HYOU1: variants seen among roughly 807,000 people sequenced by gnomAD.
The protein encoded by HYOU1 is hypoxia up-regulated protein 1.
Under a neutral mutation model 120.5 loss-of-function variants are expected in HYOU1, and 40 were observed. The ratio of observed to expected loss-of-function variants is 0.33; its 90% confidence interval spans 0.26 to 0.43. The LOEUF (loss-of-function observed/expected upper bound fraction) is 0.43. HYOU1 is among the 20% of genes least tolerant of loss of function. The pLI, the probability that HYOU1 is intolerant of heterozygous loss-of-function variation, is 1.00. For synonymous variants in HYOU1, 501 were observed against 479.4 expected, an observed-to-expected ratio of 1.05 and a Z score of -0.59; for missense variants, 1,085 against 1,278.3, an observed-to-expected ratio of 0.85 and a Z score of 2.31.
intron 6 of HYOU1, 23 bp from the exon 7 acceptor site, chr11:119,054,698 GTCCCGCCGGC>G: frequency 6.2e-7 from 1 of 1,603,200 alleles, no homozygotes; most frequent in Non-Finnish European, 8.5e-7. Flanking sequence ...ACAGAAAAGG[GTCCCGCCGGC>G]TCCATACCTT....
At chr11:119,046,370 G>A in intron 24 of HYOU1, 47 bp downstream of exon 24, 1 of 1,593,338 alleles carries the variant, frequency 6.3e-7, no homozygotes, top group Non-Finnish European at 8.6e-7. Context: ...GCCTACCCCT[G>A]GGCTAATGCA....
In HYOU1 at chr11:119,052,551, C is replaced by T. The variant is rs1944505339; in HGVS notation, c.987+86G>A. 1 of 1,570,238 alleles carries T rather than the reference C, an allele frequency of 6.4e-7. No individual in the cohort carries two copies. Among genetic ancestry groups the T allele is most frequent in the Admixed American group, 1.7e-5 (1 of 57,718 alleles). On this transcript the variant is annotated intron_variant, in intron 9 of 25. Coordinates refer to ENST00000617285, the MANE Select transcript of HYOU1 (RefSeq NM_006389.5). This position sits in a 1 kb window ranked among gnomAD's most constrained non-coding sequence, Gnocchi z 5.0. ...GTAGCGGGAGGAGCATGGGCCATGC[C>T]AGGCACGAGCAGCCCAGTTCAGTGG...
Position 119,046,430 on chromosome 11 carries a change from C to T in HYOU1, c.2874G>A (p.Glu958=). The T allele has an allele frequency of 6.2e-7, 1 of 1,614,196 alleles. No homozygotes were observed. Among genetic ancestry groups the T allele is most frequent in the South Asian group, 1.1e-5 (1 of 91,078 alleles). ...TEDAEPISEP[E]KVETGSEPGD... ...GCTCCAACTCACCAGTCTCTACTTT[C>T]TCAGGTTCTGAAATGGGCTCTGCAT... The change falls in exon 24 of 26, where the codon GAG becomes GAA. Residue 958 remains glutamate, a synonymous_variant. Coordinates refer to ENST00000617285, the MANE Select transcript of HYOU1 (RefSeq NM_006389.5).
In HYOU1 at chr11:119,052,807, G is replaced by A. The variant is rs2133595929; in HGVS notation, c.817C>T (p.Leu273=). 1 of 1,613,978 alleles carries A rather than the reference G, an allele frequency of 6.2e-7. No homozygotes were observed. Residue 273 remains leucine, a synonymous_variant, in exon 9 of 26, where the codon CTG becomes TTG. Coordinates refer to ENST00000617285, the MANE Select transcript of HYOU1 (RefSeq NM_006389.5). This position sits in a 1 kb window ranked among gnomAD's most constrained non-coding sequence, Gnocchi z 5.0. ...TCTCGAAGCCGGAGCTCCATCTCCA[G>A]GCCCCCCAGGGTACGGTCAAATCTG... ...GVGFDRTLGG[L]EMELRLRERL... is the part of the protein sequence containing the mutation.
At position 119,046,727 on chromosome 11, in the gene HYOU1, T is replaced by C. The variant is rs782418499; in HGVS notation, c.2671A>G (p.Ile891Val). The C allele has an allele frequency of 6.2e-7, 1 of 1,610,610 alleles. No homozygotes were observed. Among genetic ancestry groups the C allele is most frequent in the African/African-American group, 1.3e-5 (1 of 74,942 alleles). ...TEKPVLLSKD[I>V]EAKMMALDRE... is the part of the protein sequence containing the mutation. ...TCCAGGGCCATCATCTTAGCTTCAA[T>C]GTCTTTTGAGAGCAACACAGGCTTC... The change falls in exon 23 of 26, where the codon ATT (isoleucine) becomes GTT (valine). Residue 891 changes from isoleucine (I) to valine (V), a missense_variant. Transcript: ENST00000617285.
rs1219410226 is a variant in HYOU1, at chr11:119,050,719, CCAAAAAAAAAAAAAAAAA to C, written c.1665+298_1665+315del. Among the ~76,000 whole-genome samples, 9 of 52,872 alleles carry C rather than the reference CCAAAAAAAAAAAAAAAAA, an allele frequency of 1.7e-4. 1 individual carries two copies. Among genetic ancestry groups the C allele is most frequent in the African/African-American group, 2.6e-4 (4 of 15,156 alleles). 34.7% of individuals were successfully genotyped at this position (52,872 alleles called of 152,430 possible). On this transcript the variant is annotated intron_variant, in intron 14 of 25. Transcript: ENST00000617285. The stretch of plus-strand genomic sequence containing the variant: ...TTAAGTAACAGAGCCAAGACCCTCT[CCAAAAAAAAAAAAAAAAA>C]AAAAAAAAAAAAAAAAAAAAGAGTG...
intron 8 of HYOU1, chr11:119,053,097 G>A (rs2133597668): frequency 4.9e-6 from 2 of 405,552 alleles, no homozygotes; most frequent in East Asian, 4.0e-5. Context: ...ATGTGGCGGT[G>A]GGGAGAGAGA....
At position 119,055,851 on chromosome 11, in the gene HYOU1, GAA is replaced by G; in HGVS notation, c.92-10_92-9del. On this transcript the variant is annotated splice_polypyrimidine_tract_variant and intron_variant, in intron 2 of 25. Coordinates refer to ENST00000617285, the MANE Select transcript of HYOU1 (RefSeq NM_006389.5). The surrounding 1 kb of genome is among the most constrained non-coding windows in gnomAD (Gnocchi z 4.0). ...ACATCACTGCCAGTGTATCTGAAGG[GAA>G]AAGAGGTTTGTCAGTTAGCTCTCCC... 1 of 1,612,330 alleles carries G rather than the reference GAA, an allele frequency of 6.2e-7. No homozygotes were observed. Among genetic ancestry groups the G allele is most frequent in the Non-Finnish European group, 8.5e-7 (1 of 1,178,352 alleles).
Position 119,045,532 on chromosome 11 carries a change from T to C in HYOU1, c.*61A>G, listed in dbSNP as rs1330664197. 4.9e-6 allele frequency: 7 copies of C among 1,424,002 alleles called. No homozygotes were observed. In the African/African-American group the frequency reaches 5.6e-5, roughly 11 times the overall value. The allele number at this position is 1,424,002 out of a possible 1,614,324, so 88.2% of individuals were successfully genotyped here. ...CAACCCCTCCCCCAACCCTCGATGT[T>C]AAATAAATAGAAGTGGTGGGGGAAG... On this transcript the variant is annotated 3_prime_UTR_variant, in exon 26 of 26. Transcript: ENST00000617285.
Position 119,052,542 on chromosome 11 carries a change from G to T in HYOU1, c.987+95C>A. 6.4e-7 allele frequency: 1 copy of T among 1,574,182 alleles called. No individual in the cohort carries two copies. The highest frequency in any genetic ancestry group is 8.7e-7 in the Non-Finnish European group (1 of 1,154,582). On this transcript the variant is annotated intron_variant, in intron 9 of 25. Coordinates refer to ENST00000617285, the MANE Select transcript of HYOU1 (RefSeq NM_006389.5). This position sits in a 1 kb window ranked among gnomAD's most constrained non-coding sequence, Gnocchi z 5.0. ...GGGAGGATGGTAGCGGGAGGAGCATGGGCCATGCCAGGCACGAGCAGCCCA... is the reference window on the plus strand; with the variant it reads ...GGGAGGATGGTAGCGGGAGGAGCATTGGCCATGCCAGGCACGAGCAGCCCA...
rs2133603644 is a variant in HYOU1 at position 119,054,248 on chromosome 11, T to C, written c.679-12A>G. On this transcript the variant is annotated splice_polypyrimidine_tract_variant and intron_variant, in intron 7 of 25. Transcript: ENST00000617285. ...TAGAACATGATATTCTGTAGAGATATCAAGGCAACTGTCACAGGAACCTTC... is the reference window on the plus strand; with the variant it reads ...TAGAACATGATATTCTGTAGAGATACCAAGGCAACTGTCACAGGAACCTTC... The C allele has an allele frequency of 5.8e-5, 92 of 1,596,758 alleles. No individual in the cohort carries two copies. The highest frequency in any genetic ancestry group is 7.5e-5 in the Non-Finnish European group (87 of 1,164,938).
At position 119,045,761 on chromosome 11, in the gene HYOU1, A is replaced by G. The variant is rs1944024305; in HGVS notation, c.2938+20T>C. On this transcript the variant is annotated intron_variant, in intron 25 of 25. Coordinates refer to ENST00000617285, the MANE Select transcript of HYOU1 (RefSeq NM_006389.5). ...GAGACCCCACCAGGCTTCCCACCGT[A>G]GCCCCGGCTCCATCCTCACCTGCTC... 6.2e-7 allele frequency: 1 copy of G among 1,613,392 alleles called. No homozygotes were observed. The highest frequency in any genetic ancestry group is 1.7e-5 in the Admixed American group (1 of 59,802).
chr11:119,055,159 AC>A lies in HYOU1; in HGVS notation c.419+25del, dbSNP rs1944676157. On this transcript the variant is annotated intron_variant, in intron 5 of 25. Coordinates refer to ENST00000617285, the MANE Select transcript of HYOU1 (RefSeq NM_006389.5). This position sits in a 1 kb window ranked among gnomAD's most constrained non-coding sequence, Gnocchi z 4.0. ...TGAGGAGCCCAGCAGCGTTGCCGAGACCACCTTCCCCAACAGAGCACTCACG... is the reference window on the plus strand; with the variant it reads ...TGAGGAGCCCAGCAGCGTTGCCGAGACACCTTCCCCAACAGAGCACTCACG... 11 of 1,611,560 alleles carry A rather than the reference AC, an allele frequency of 6.8e-6. No individual in the cohort carries two copies. Among genetic ancestry groups the A allele is most frequent in the Non-Finnish European group, 9.3e-6 (11 of 1,178,116 alleles).
Position 119,052,778 on chromosome 11 carries a change from G to T in HYOU1, c.846C>A (p.Arg282=). Residue 282 remains arginine, a synonymous_variant, in exon 9 of 26, where the codon CGC becomes CGA. Transcript: ENST00000617285. The surrounding 1 kb of genome is among the most constrained non-coding windows in gnomAD (Gnocchi z 5.0). ...GLEMELRLRE[R]LAGLFNEQRK... is the part of the protein sequence containing the mutation. ...GCTGCTCATTGAAAAGCCCAGCCAGGCGTTCTCGAAGCCGGAGCTCCATCT... is the reference window on the plus strand; with the variant it reads ...GCTGCTCATTGAAAAGCCCAGCCAGTCGTTCTCGAAGCCGGAGCTCCATCT... 1 of 1,614,206 alleles carries T rather than the reference G, an allele frequency of 6.2e-7. No homozygotes were observed. The highest frequency in any genetic ancestry group is 8.5e-7 in the Non-Finnish European group (1 of 1,180,036).
Position 119,048,212 on chromosome 11 carries a change from C to A in HYOU1, c.2376+36G>T. 5.0e-6 allele frequency: 8 copies of A among 1,606,512 alleles called. No individual in the cohort carries two copies. Among genetic ancestry groups the A allele is most frequent in the Non-Finnish European group, 5.9e-6 (7 of 1,177,064 alleles). ...TGACCCTGGGAGAGGAAGGAGAGCT[C>A]CCACTCCACCTGCCATGTCCTGAGA... On this transcript the variant is annotated intron_variant, in intron 20 of 25. Transcript: ENST00000617285. This position sits in a 1 kb window ranked among gnomAD's most constrained non-coding sequence, Gnocchi z 4.7.
Position 119,052,068 on chromosome 11 carries a change from G to A in HYOU1, c.1205+22C>T. ...CCTGCCCCAGGCAGAACTCAGCCAA[G>A]CGCTCTAGCCCCCACACTCACTTGC... On this transcript the variant is annotated intron_variant, in intron 11 of 25. Coordinates refer to ENST00000617285, the MANE Select transcript of HYOU1 (RefSeq NM_006389.5). This position sits in a 1 kb window ranked among gnomAD's most constrained non-coding sequence, Gnocchi z 5.0. 6.2e-7 allele frequency: 1 copy of A among 1,614,092 alleles called. No individual in the cohort carries two copies. Among genetic ancestry groups the A allele is most frequent in the African/African-American group, 1.3e-5 (1 of 75,058 alleles).
chr11:119,045,309 T>G lies in HYOU1; in HGVS notation c.*284A>C. On this transcript the variant is annotated 3_prime_UTR_variant, in exon 26 of 26. Coordinates refer to ENST00000617285, the MANE Select transcript of HYOU1 (RefSeq NM_006389.5). ...TCTCTTCCTACCCACAGGCAAAGGA[T>G]TCAGAAATTAATAGTGATTTTTCCC... 1 of 580,870 alleles carries G rather than the reference T, an allele frequency of 1.7e-6. No individual in the cohort carries two copies. Among genetic ancestry groups the G allele is most frequent in the Non-Finnish European group, 3.2e-6 (1 of 309,470 alleles). 36.0% of individuals were successfully genotyped at this position (580,870 alleles called of 1,614,324 possible).
rs2133574705 is a variant in HYOU1 at position 119,049,652 on chromosome 11, C to T, written c.1727-17G>A. ...TGCCAAGTTCTAGGGGGAGTAAAAC[C>T]CAAAGACTCAAAAGGAGACCACAGC... On this transcript the variant is annotated splice_polypyrimidine_tract_variant and intron_variant, in intron 15 of 25. Transcript: ENST00000617285. 3.1e-6 allele frequency: 5 copies of T among 1,613,848 alleles called. No homozygotes were observed. The highest frequency in any genetic ancestry group is 4.2e-6 in the Non-Finnish European group (5 of 1,179,898).
In HYOU1 at chr11:119,051,044, A is replaced by G. The variant is rs2133582168; in HGVS notation, c.1656T>C (p.Ser552=). 6.2e-7 allele frequency: 1 copy of G among 1,614,152 alleles called. No individual in the cohort carries two copies. Among genetic ancestry groups the G allele is most frequent in the South Asian group, 1.1e-5 (1 of 91,078 alleles). ...ATCCTTTAGCTCTCACCCTGTCTAG[A>G]CTGAGCACGCCACTCTCATCCAGGT... ...HFNLDESGVL[S]LDRVESVFET... The change falls in exon 14 of 26, where the codon AGT becomes AGC. Residue 552 remains serine (S), a synonymous_variant. Transcript: ENST00000617285. This position sits in a 1 kb window ranked among gnomAD's most constrained non-coding sequence, Gnocchi z 4.2.
Sources: allele counts gnomAD v4.1 joint callset (sites outside exome capture counted in the v4.1 genomes callset), GRCh38; gene constraint gnomAD v4.1.1; non-coding constraint Gnocchi (gnomAD v3.1); transcripts MANE v1.5; gene names NCBI Gene and HGNC (gene_info 2026-07-23, HGNC 2026-07-21).